The following NTRK3 variants were observed in gnomAD, a reference collection of about 807,000 sequenced individuals.
NTRK3 encodes neurotrophic receptor tyrosine kinase 3, also known as NT-3 growth factor receptor.
In NTRK3, 24 loss-of-function variants were observed where a neutral mutation model predicts 91.7. The observed-to-expected ratio is 0.26, with a 90% CI of 0.19 to 0.37. The LOEUF is 0.37. Ranked by LOEUF, NTRK3 falls within the 10% of genes least tolerant of loss-of-function variation. NTRK3 has a pLI of 1.00. For synonymous variants in NTRK3, 483 were observed against 404.0 expected, an observed-to-expected ratio of 1.20 and a Z score of -2.34; for missense variants, 880 against 1,068.9, an observed-to-expected ratio of 0.82 and a Z score of 2.46.
At chr15:88,165,068 T>C (rs568304017) in intron 5 of NTRK3, among the ~76,000 whole-genome samples, 60 of 152,240 alleles carry the variant, frequency 3.9e-4, no homozygotes, top group Middle Eastern at 3.4e-3. Context: ...GAGCTGAGGA[T>C]TGAATATGAA....
chr15:87,935,195 G>A (rs2069157219), intron 15 of NTRK3, among the ~76,000 whole-genome samples: 1 of 152,168 alleles, frequency 6.6e-6, no homozygotes, highest in Admixed American at 6.5e-5. Context: ...GGAATAAAAG[G>A]ACATGGAAGT....
intron 14 of NTRK3, among the ~76,000 whole-genome samples, chr15:87,995,368 G>A (rs982454153): frequency 2.0e-5 from 3 of 152,192 alleles, no homozygotes; most frequent in Non-Finnish European, 4.4e-5. Context: ...AGCAATAGTA[G>A]GAGACTTAGC....
intron 3 of NTRK3, among the ~76,000 whole-genome samples, chr15:88,219,754 A>G (rs1384747694): frequency 1.3e-5 from 2 of 148,990 alleles, no homozygotes; most frequent in African/African-American, 4.8e-5. Context: ...GTGATGCCTA[A>G]CACGCACTGA....
chr15:88,139,677 A>G (rs917877776), intron 6 of NTRK3, among the ~76,000 whole-genome samples: 2 of 151,916 alleles, frequency 1.3e-5, no homozygotes, highest in Non-Finnish European at 2.9e-5. Context: ...GGAGATGGTC[A>G]GAACTGCAAG....
chr15:88,144,583 GA>G (rs1194646322), intron 6 of NTRK3, among the ~76,000 whole-genome samples: 1 of 152,040 alleles, frequency 6.6e-6, no homozygotes, highest in Non-Finnish European at 1.5e-5. Context: ...GGAAACAGCA[GA>G]TCGGGGTAGT....
chr15:88,249,091 T>C (rs2053114570), intron 3 of NTRK3, among the ~76,000 whole-genome samples: 2 of 152,090 alleles, frequency 1.3e-5, no homozygotes, highest in East Asian at 1.9e-4. Context: ...TGCTTGATGA[T>C]GCGTGTCTGG....
At chr15:88,054,698 T>C (rs770663214) in intron 13 of NTRK3, among the ~76,000 whole-genome samples, 1 of 152,070 alleles carries the variant, frequency 6.6e-6, no homozygotes, top group Non-Finnish European at 1.5e-5. Context: ...TGGATCTCAA[T>C]TTCCCCCTGG....
At chr15:88,184,725 T>C (rs554402640) in intron 3 of NTRK3, among the ~76,000 whole-genome samples, 21 of 152,246 alleles carry the variant, frequency 1.4e-4, no homozygotes, top group Non-Finnish European at 2.5e-4. Flanking sequence ...ACAAATGACA[T>C]GGCTTTAAAA....
At chr15:88,207,804 T>C (rs1157570428) in intron 3 of NTRK3, among the ~76,000 whole-genome samples, 1 of 152,158 alleles carries the variant, frequency 6.6e-6, no homozygotes, top group Non-Finnish European at 1.5e-5. Context: ...CCAGATGTGC[T>C]CAGCTCATGG....
chr15:87,875,031 T>G (rs1167597435), exon 19 of NTRK3: 2 of 230,464 alleles, frequency 8.7e-6, no homozygotes, highest in Admixed American at 1.1e-4. Context: ...ACTATTCAAA[T>G]AAAAATATTT....
intron 13 of NTRK3, among the ~76,000 whole-genome samples, chr15:88,089,830 C>T (rs1402214329): frequency 6.6e-6 from 1 of 152,214 alleles, no homozygotes; most frequent in Non-Finnish European, 1.5e-5. Context: ...CTCATGCCCT[C>T]CCCTGCGTTA....
chr15:88,057,522 A>C (rs1278087660), intron 13 of NTRK3, among the ~76,000 whole-genome samples: 1 of 151,970 alleles, frequency 6.6e-6, no homozygotes, highest in South Asian at 2.1e-4. Flanking sequence ...AAAGAAAGAA[A>C]TGTGTCCTGA....
chr15:87,868,715 G>T lies in NTRK3; in HGVS notation c.*8220C>A, dbSNP rs143767071. ...AGCTTTGAGGTTCTATGTGGCTGTT[G>T]TGCCACAATGTGGAATTATAGAGTG... On this transcript the variant is annotated 3_prime_UTR_variant, in exon 19 of 19. Transcript: ENST00000394480. 3.2e-5 allele frequency: 7 copies of T among 220,586 alleles called. No individual in the cohort carries two copies. In the East Asian group the frequency reaches 4.6e-4, roughly 15 times the overall value. The allele number at this position is 220,586 out of a possible 1,614,324, so 13.7% of individuals were successfully genotyped here.
chr15:88,077,314 T>C (rs1471100502), intron 13 of NTRK3, among the ~76,000 whole-genome samples: 1 of 152,028 alleles, frequency 6.6e-6, no homozygotes, highest in Admixed American at 6.6e-5. Context: ...AGACCAATGT[T>C]TTATCTTGAG....
intron 17 of NTRK3, chr15:87,928,605 C>T (rs144655206): frequency 6.1e-6 from 1 of 163,230 alleles, no homozygotes; most frequent in African/African-American, 2.4e-5. Context: ...GTCCTCTCTC[C>T]AAAGTTGGCA....
At chr15:87,896,297 C>T (rs2066118703) in intron 17 of NTRK3, among the ~76,000 whole-genome samples, 2 of 151,862 alleles carry the variant, frequency 1.3e-5, no homozygotes, top group Non-Finnish European at 2.9e-5. Context: ...ATGGTGAAAC[C>T]CTGTCTCTAC....
chr15:87,875,189 G>C (rs2064916356), exon 19 of NTRK3: 1 of 231,218 alleles, frequency 4.3e-6, no homozygotes, highest in Non-Finnish European at 8.5e-6. Flanking sequence ...GGGTAGGCCA[G>C]AGGCCCCCGG....
In NTRK3 at chr15:87,874,423, C is replaced by G. The variant is rs1596042181; in HGVS notation, c.*2512G>C. The G allele has an allele frequency of 6.5e-5, 15 of 230,412 alleles. No homozygotes were observed. In the East Asian group the frequency reaches 8.6e-4, roughly 13 times the overall value. The allele number at this position is 230,412 out of a possible 1,614,324, so 14.3% of individuals were successfully genotyped here. A position where few individuals can be genotyped will look rare whatever the true frequency, so the allele number is the denominator to read the frequency against. ...GCGGTCTCCTTCAGTGCTTCTTGTT[C>G]CCCCAAGGAATCACCTTCTTTCATT... On this transcript the variant is annotated 3_prime_UTR_variant, in exon 19 of 19. Transcript: ENST00000394480.
At chr15:88,191,413 C>G (rs186353096) in intron 3 of NTRK3, among the ~76,000 whole-genome samples, 1 of 152,270 alleles carries the variant, frequency 6.6e-6, no homozygotes, top group Admixed American at 6.5e-5. Context: ...GTTGCGAAAT[C>G]CTGGCCTCAA....
Sources: gnomAD v4.1 joint callset for allele counts (sites outside exome capture counted in the v4.1 genomes callset) on GRCh38, gnomAD v4.1.1 for gene constraint, MANE v1.5 for transcripts, NCBI Gene and HGNC (gene_info 2026-07-23, HGNC 2026-07-21) for gene names.